Variants in PIGF observed in about 807,000 individuals in gnomAD.
PIGF encodes the protein GPI ethanolamine phosphate transferase, stabilizing subunit.
A neutral mutation model predicts 26.0 loss-of-function variants in PIGF; 23 were observed. That is an observed-to-expected ratio of 0.88 (90% CI 0.64 to 1.25). The LOEUF is 1.25. PIGF is among the 50% of genes most tolerant of loss of function. The probability of loss-of-function intolerance (pLI) is 0.00; values close to 1 mark genes in which losing one functional copy is unlikely to be tolerated. For synonymous variants in PIGF, 93 were observed against 92.6 expected, an observed-to-expected ratio of 1.00 and a Z score of -0.03; for missense variants, 278 against 249.9, an observed-to-expected ratio of 1.11 and a Z score of -0.76.
intron 4 of PIGF, among the ~76,000 whole-genome samples, chr2:46,600,357 C>T (rs1190949287): frequency 6.6e-6 from 1 of 152,088 alleles, no homozygotes; most frequent in East Asian, 1.9e-4. Flanking sequence ...CTCAAGTAAT[C>T]TAGTCTACAA....
chr2:46,582,277 G>C (rs1669417167), intron 5 of PIGF: 1 of 151,362 alleles, frequency 6.6e-6, no homozygotes, highest in Admixed American at 6.6e-5. Context: ...GAAAGGCTCT[G>C]CTTGAAAAAA....
intron 4 of PIGF, among the ~76,000 whole-genome samples, chr2:46,607,142 T>A (rs1446805541): frequency 6.6e-6 from 1 of 152,216 alleles, no homozygotes; most frequent in South Asian, 2.1e-4. Context: ...GTGAATTATA[T>A]CTCAATACTG....
chr2:46,591,176 G>T (rs1669712297), intron 5 of PIGF, among the ~76,000 whole-genome samples: 1 of 152,010 alleles, frequency 6.6e-6, no homozygotes, highest in Non-Finnish European at 1.5e-5. Context: ...TAAAAAACTG[G>T]TACAATATTT....
intron 2 of PIGF, 164 bp downstream of exon 2, chr2:46,614,773 G>C: frequency 1.8e-6 from 1 of 548,766 alleles, no homozygotes; most frequent in East Asian, 3.0e-5. Flanking sequence ...AAACATTGTG[G>C]GCAGCCTTCC....
At chr2:46,586,172 A>T (rs1409933536) in intron 5 of PIGF, among the ~76,000 whole-genome samples, 1 of 152,208 alleles carries the variant, frequency 6.6e-6, no homozygotes, top group Non-Finnish European at 1.5e-5. Context: ...TACGTTAACC[A>T]TCTGTATCCT....
chr2:46,616,969 C>CCTAA lies in PIGF; in HGVS notation c.-25_-22dup. 1.9e-6 allele frequency: 1 copy of CCTAA among 525,628 alleles called. No individual in the cohort carries two copies. Among genetic ancestry groups the CCTAA allele is most frequent in the South Asian group, 2.1e-5 (1 of 48,242 alleles). The allele number at this position is 525,628 out of a possible 1,614,324, so 32.6% of individuals were successfully genotyped here. ...CGCCGAGGGCGTCCAGCGGGGCTTA[C>CCTAA]CTAACTCTCCCTCCCGCGGAAGGGA... On this transcript the variant is annotated splice_region_variant and 5_prime_UTR_variant. Coordinates refer to ENST00000281382, the MANE Select transcript of PIGF (RefSeq NM_002643.4).
chr2:46,593,528 A>G (rs978903196), intron 4 of PIGF, among the ~76,000 whole-genome samples: 4 of 152,180 alleles, frequency 2.6e-5, no homozygotes, highest in African/African-American at 9.7e-5. Context: ...ATTTCAAAAG[A>G]TCTGGTGATT....
intron 4 of PIGF, among the ~76,000 whole-genome samples, chr2:46,593,511 A>G (rs1383822282): frequency 6.6e-6 from 1 of 152,254 alleles, no homozygotes; most frequent in East Asian, 1.9e-4. Context: ...GAGAACAAGA[A>G]CAAAGTATTT....
intron 4 of PIGF, among the ~76,000 whole-genome samples, chr2:46,610,326 G>C (rs991319712): frequency 6.6e-6 from 1 of 152,016 alleles, no homozygotes; most frequent in Non-Finnish European, 1.5e-5. Flanking sequence ...TTGAAAACTG[G>C]AGAAATCACT....
At chr2:46,591,218 AG>A (rs1023294374) in intron 5 of PIGF, among the ~76,000 whole-genome samples, 21 of 152,288 alleles carry the variant, frequency 1.4e-4, no homozygotes, top group African/African-American at 4.6e-4. Flanking sequence ...CATATATGTA[AG>A]TTTTCATTGA....
intron 1 of PIGF, chr2:46,616,318 A>T (rs1459433355): frequency 6.6e-6 from 1 of 152,320 alleles, no homozygotes; most frequent in East Asian, 1.9e-4. Flanking sequence ...ATTCTATCTT[A>T]AGCTGATTGA....
chr2:46,604,435 C>G (rs575200861), intron 4 of PIGF, among the ~76,000 whole-genome samples: 1 of 151,638 alleles, frequency 6.6e-6, no homozygotes, highest in African/African-American at 2.4e-5. Flanking sequence ...ATCACAATAG[C>G]CAAGATTTGG....
At chr2:46,605,181 T>A (rs916384404) in intron 4 of PIGF, among the ~76,000 whole-genome samples, 1 of 152,140 alleles carries the variant, frequency 6.6e-6, no homozygotes, top group East Asian at 1.9e-4. Context: ...CAAACTCTAA[T>A]GTTCAACGAG....
intron 4 of PIGF, among the ~76,000 whole-genome samples, chr2:46,608,680 AG>A (rs1451431051): frequency 2.0e-5 from 3 of 152,224 alleles, no homozygotes; most frequent in Non-Finnish European, 4.4e-5. Context: ...CTTGTGTTGT[AG>A]GCATGAAAAA....
chr2:46,613,742 CAA>C lies in PIGF; in HGVS notation c.270_271del (p.Cys91PhefsTer53). 6.4e-7 allele frequency: 1 copy of C among 1,554,114 alleles called. No individual in the cohort carries two copies. Among genetic ancestry groups the C allele is most frequent in the Non-Finnish European group, 8.8e-7 (1 of 1,132,040 alleles). ...AACAAAAATTACATGAAAGGAGAAA[CAA>C]GACATAAGAAAGTAGATACAGCATT... On this transcript the variant is annotated frameshift_variant, in exon 3 of 6. Coordinates refer to ENST00000281382, the MANE Select transcript of PIGF (RefSeq NM_002643.4). LOFTEE classifies it high-confidence loss of function.
At chr2:46,590,372 T>C (rs564788721) in intron 5 of PIGF, among the ~76,000 whole-genome samples, 2 of 152,258 alleles carry the variant, frequency 1.3e-5, no homozygotes, top group South Asian at 4.1e-4. Flanking sequence ...TTAAGATATA[T>C]ATTTTCTAAG....
At chr2:46,595,461 T>G (rs1669854591) in intron 4 of PIGF, among the ~76,000 whole-genome samples, 1 of 152,260 alleles carries the variant, frequency 6.6e-6, no homozygotes, top group Admixed American at 6.5e-5. Flanking sequence ...CTCAATCATA[T>G]TCCCTTCAAG....
intron 4 of PIGF, among the ~76,000 whole-genome samples, chr2:46,594,536 ATT>A (rs5830911): frequency 0.23 from 32,790 of 144,910 alleles, 4,346 homozygotes; most frequent in Admixed American, 0.32. Flanking sequence ...CAGAGTTAGG[ATT>A]TTTTTTTTTT....
chr2:46,582,009 T>C (rs1236784256), intron 5 of PIGF: 1 of 158,566 alleles, frequency 6.3e-6, no homozygotes, highest in African/African-American at 2.4e-5. Context: ...AGAAACTTTC[T>C]TTAAGTTGTG....
Sources: allele counts gnomAD v4.1 joint callset (sites outside exome capture counted in the v4.1 genomes callset), GRCh38; gene constraint gnomAD v4.1.1; transcripts MANE v1.5; gene names NCBI Gene and HGNC (gene_info 2026-07-23, HGNC 2026-07-21).